Variants in ECT2 observed in about 807,000 individuals in gnomAD.
ECT2 encodes epithelial cell transforming 2.
Under a neutral mutation model 116.9 loss-of-function variants are expected in ECT2, and 61 were observed. That is an observed-to-expected ratio of 0.52 (90% CI 0.42 to 0.65). The LOEUF is 0.65. Ranked by LOEUF, ECT2 falls within the 30% of genes least tolerant of loss-of-function variation. The pLI, the probability that ECT2 is intolerant of heterozygous loss-of-function variation, is 0.00. For missense variants in ECT2, 937 were observed against 1,078.7 expected (o/e 0.87, Z 1.84); for synonymous variants, 358 against 346.4 (o/e 1.03, Z -0.37).
At chr3:172,802,351 G>A (rs1726873226) in intron 18 of ECT2, among the ~76,000 whole-genome samples, 1 of 152,116 alleles carries the variant, frequency 6.6e-6, no homozygotes, top group South Asian at 2.1e-4. Flanking sequence ...TGACTTCAGT[G>A]ATCCACCCAC....
At chr3:172,770,511 A>T (rs541866559) in intron 13 of ECT2, among the ~76,000 whole-genome samples, 24 of 151,764 alleles carry the variant, frequency 1.6e-4, no homozygotes, top group African/African-American at 3.6e-4. Context: ...CCTTAAAAAA[A>T]TTTTTTTTTA....
rs150525183 is a variant in ECT2, at chr3:172,816,912, T to C, written c.2655+75T>C. 692 of 1,231,022 alleles carry C rather than the reference T, an allele frequency of 5.6e-4. 6 individuals carry two copies. The African/African-American group carries it at 9.6e-3, about 17-fold the overall frequency. The allele number at this position is 1,231,022 out of a possible 1,614,324, so 76.3% of individuals were successfully genotyped here. On this transcript the variant is annotated intron_variant, in intron 24 of 24. Coordinates refer to ENST00000392692, the MANE Select transcript of ECT2 (RefSeq NM_001258315.2). Reference sequence around the variant, plus strand: ...ATGGAATTTGTTAACTTCTAAAAATTGGAAATATTTCTTCCATTTTAAAAA... The same window carrying C: ...ATGGAATTTGTTAACTTCTAAAAATCGGAAATATTTCTTCCATTTTAAAAA...
At chr3:172,765,910 G>C (rs1445646437) in intron 12 of ECT2, among the ~76,000 whole-genome samples, 1 of 152,076 alleles carries the variant, frequency 6.6e-6, no homozygotes, top group Non-Finnish European at 1.5e-5. Context: ...TCTGCCTCAA[G>C]GAAATCTGCG....
At chr3:172,823,653 T>G (rs561045358), downstream of ECT2, among the ~76,000 whole-genome samples, 62 of 152,286 alleles carry the variant, frequency 4.1e-4, no homozygotes, top group African/African-American at 1.4e-3. Context: ...TCCCATTGCA[T>G]ATGAAAGTTA....
At position 172,758,885 on chromosome 3, in the gene ECT2, G is replaced by T. The variant is rs1717631895; in HGVS notation, c.487-95G>T. 4 of 1,072,526 alleles carry T rather than the reference G, an allele frequency of 3.7e-6. No homozygotes were observed. In the East Asian group the frequency reaches 1.0e-4, roughly 27 times the overall value. The allele number at this position is 1,072,526 out of a possible 1,614,324, so 66.4% of individuals were successfully genotyped here. A position where few individuals can be genotyped will look rare whatever the true frequency, so the allele number is the denominator to read the frequency against. ...ATCTTTGGATTGGGAAAGTTGAATGGCAAGAGGGGAAATGAAATATATTTA... is the reference window on the plus strand; with the variant it reads ...ATCTTTGGATTGGGAAAGTTGAATGTCAAGAGGGGAAATGAAATATATTTA... On this transcript the variant is annotated intron_variant, in intron 5 of 24. Coordinates refer to ENST00000392692, the MANE Select transcript of ECT2 (RefSeq NM_001258315.2).
chr3:172,765,097 A>G (rs1364983839), intron 12 of ECT2, among the ~76,000 whole-genome samples: 2 of 152,222 alleles, frequency 1.3e-5, no homozygotes, highest in African/African-American at 2.4e-5. Flanking sequence ...TCACATCAGC[A>G]TACTTAAAAG....
At chr3:172,763,930 A>G (rs1390502875) in intron 11 of ECT2, among the ~76,000 whole-genome samples, 1 of 152,242 alleles carries the variant, frequency 6.6e-6, no homozygotes, top group Non-Finnish European at 1.5e-5. Flanking sequence ...ATTGGAAAGC[A>G]TTGTGTCCAG....
chr3:172,802,813 T>G (rs1365087072), intron 19 of ECT2, 48 bp from the exon 20 acceptor site: 12 of 1,571,010 alleles, frequency 7.6e-6, no homozygotes, highest in African/African-American at 1.4e-5. Context: ...TTCTTAAAAA[T>G]TACTTGATAC....
chr3:172,788,351 T>C (rs899164585), intron 18 of ECT2, among the ~76,000 whole-genome samples: 2 of 152,246 alleles, frequency 1.3e-5, no homozygotes, highest in Non-Finnish European at 2.9e-5. Context: ...GTTATAGATA[T>C]GTTTTTAGTT....
chr3:172,789,569 G>T (rs1724270389), intron 18 of ECT2, among the ~76,000 whole-genome samples: 1 of 152,152 alleles, frequency 6.6e-6, no homozygotes, highest in Non-Finnish European at 1.5e-5. Context: ...TTTCATGAAT[G>T]ATTTCTCTGT....
At position 172,774,163 on chromosome 3, in the gene ECT2, G is replaced by T. The variant is rs1026398491; in HGVS notation, c.1548+141G>T. The T allele has an allele frequency of 7.6e-6, 6 of 786,418 alleles. No individual in the cohort carries two copies. The Admixed American group carries it at 8.7e-5, about 11-fold the overall frequency. 48.7% of individuals were successfully genotyped at this position (786,418 alleles called of 1,614,324 possible). A position where few individuals can be genotyped will look rare whatever the true frequency, so the allele number is the denominator to read the frequency against. On this transcript the variant is annotated intron_variant, in intron 14 of 24. Transcript: ENST00000392692. ...CCTTATTAGTTCCTTTGAATCATTT[G>T]TCTCTTTGTTCCAGTGCCTCATAAT...
chr3:172,791,508 G>A (rs1275740219), intron 18 of ECT2, among the ~76,000 whole-genome samples: 2 of 152,184 alleles, frequency 1.3e-5, no homozygotes, highest in Non-Finnish European at 2.9e-5. Flanking sequence ...ACTTGCTGTA[G>A]CTTCTCCATT....
In ECT2 at chr3:172,821,117, A is replaced by G. The variant is rs1272721978; in HGVS notation, c.*880A>G. ...ATCAGTTTTACTAATCTTCTGTGAA[A>G]TGCATAGATATGCGCATGTTCAACT... On this transcript the variant is annotated 3_prime_UTR_variant, in exon 25 of 25. Transcript: ENST00000392692. 6.6e-6 allele frequency: 1 copy of G among 151,950 alleles called. No homozygotes were observed. The highest frequency in any genetic ancestry group is 1.9e-4 in the East Asian group (1 of 5,204). The allele number at this position is 151,950 out of a possible 1,614,324, so 9.4% of individuals were successfully genotyped here.
chr3:172,823,251 T>C (rs182498321), downstream of ECT2, among the ~76,000 whole-genome samples: 8 of 152,058 alleles, frequency 5.3e-5, no homozygotes, highest in African/African-American at 1.7e-4. Context: ...CACAGAAAAA[T>C]GTAACTCAAA....
At chr3:172,779,506 T>C (rs1400614367) in intron 14 of ECT2, among the ~76,000 whole-genome samples, 9 of 152,244 alleles carry the variant, frequency 5.9e-5, no homozygotes, top group Non-Finnish European at 2.9e-5. Context: ...TTTTATATAT[T>C]GGTAGTTGCT....
chr3:172,753,473 G>C (rs1315629990), intron 1 of ECT2, among the ~76,000 whole-genome samples: 1 of 152,236 alleles, frequency 6.6e-6, no homozygotes, highest in African/African-American at 2.4e-5. Context: ...CTTAAAAAAG[G>C]ATTTTCTTTC....
rs984027773 is a variant in ECT2, at chr3:172,809,336, C to T, written c.2400+1412C>T. On this transcript the variant is annotated intron_variant, in intron 22 of 24. Coordinates refer to ENST00000392692, the MANE Select transcript of ECT2 (RefSeq NM_001258315.2). Reference sequence around the variant, plus strand: ...AATATAATAACATATGGAAGAAATTCATAAGTAAAATTAGCCACAAGATGG... The same window carrying T: ...AATATAATAACATATGGAAGAAATTTATAAGTAAAATTAGCCACAAGATGG... 9.9e-5 allele frequency among the ~76,000 whole-genome samples: 15 copies of T among 152,100 alleles called. 1 individual carries two copies. The highest frequency in any genetic ancestry group is 5.9e-4 in the Admixed American group (9 of 15,264).
intron 24 of ECT2, chr3:172,818,634 T>C (rs1012822010): frequency 1.7e-5 from 22 of 1,289,126 alleles, no homozygotes; most frequent in African/African-American, 4.6e-5. Context: ...GTGGGCGCTC[T>C]CAGTACTCCT....
rs559450757 is a variant in ECT2, at chr3:172,773,536, A to G, written c.1429-367A>G. 8.5e-5 allele frequency among the ~76,000 whole-genome samples: 13 copies of G among 152,298 alleles called. No homozygotes were observed. In the South Asian group the frequency reaches 2.7e-3, roughly 32 times the overall value. ...AACAATTTTAAAACATTTAGCACATATATTAGATATGTCTGGAGGCAGCAG... is the reference window on the plus strand; with the variant it reads ...AACAATTTTAAAACATTTAGCACATGTATTAGATATGTCTGGAGGCAGCAG... On this transcript the variant is annotated intron_variant, in intron 13 of 24. Transcript: ENST00000392692.
Sources: allele counts gnomAD v4.1 joint callset (sites outside exome capture counted in the v4.1 genomes callset), GRCh38; gene constraint gnomAD v4.1.1; transcripts MANE v1.5; gene names NCBI Gene and HGNC (gene_info 2026-07-23, HGNC 2026-07-21).